The following PCBP3 variants were observed in gnomAD, a reference collection of about 807,000 sequenced individuals.
PCBP3 encodes poly(rC) binding protein 3.
PCBP3 carries 25 observed loss-of-function variants against 52.7 expected under a neutral mutation model. That is an observed-to-expected ratio of 0.47 (90% CI 0.35 to 0.66). The LOEUF is 0.66. Among genes scored for constraint, PCBP3 ranks in the 30% least tolerant of loss-of-function variants. The pLI is 0.01. For missense variants in PCBP3, 391 were observed against 490.3 expected, an observed-to-expected ratio of 0.80 and a Z score of 1.91; for synonymous variants, 162 against 183.0, an observed-to-expected ratio of 0.89 and a Z score of 0.93.
rs187619976 is a variant in PCBP3 at position 45,689,782 on chromosome 21, C to T, written c.-200+20830C>T. 2.1e-3 allele frequency among the ~76,000 whole-genome samples: 314 copies of T among 152,052 alleles called. 3 individuals carry two copies. The highest frequency in any genetic ancestry group is 3.1e-3 in the Non-Finnish European group (211 of 67,908). Reference sequence around the variant, plus strand: ...TAAACTGCCATTTATAATAGTACCCCAGAATATGAAACAGGATAAAGTTAA... The same window carrying T: ...TAAACTGCCATTTATAATAGTACCCTAGAATATGAAACAGGATAAAGTTAA... On this transcript the variant is annotated intron_variant, in intron 2 of 17. Coordinates refer to ENST00000681687, the MANE Select transcript of PCBP3 (RefSeq NM_001384156.1).
At chr21:45,899,330 C>A (rs2095957400) in intron 6 of PCBP3, among the ~76,000 whole-genome samples, 1 of 152,154 alleles carries the variant, frequency 6.6e-6, no homozygotes, top group African/African-American at 2.4e-5. Context: ...AGCTGCCCTC[C>A]CCCGGGGCAC....
rs2091517058 is a variant in PCBP3, at chr21:45,791,099, A to C, written c.-126+35647A>C. Among the ~76,000 whole-genome samples the C allele has an allele frequency of 6.6e-6, 1 of 152,154 alleles. No individual in the cohort carries two copies. The highest frequency in any genetic ancestry group is 2.1e-4 in the South Asian group (1 of 4,828). On this transcript the variant is annotated intron_variant, in intron 4 of 17. Transcript: ENST00000681687. This position sits in a 1 kb window ranked among gnomAD's most constrained non-coding sequence, Gnocchi z 4.2. ...TGGCCCACCGAGGCCAGCATCTTGC[A>C]GTGGCGAAGGTGCAGAGATGGTGGG...
At position 45,775,718 on chromosome 21, in the gene PCBP3, C is replaced by A. The variant is rs532590614; in HGVS notation, c.-126+20266C>A. On this transcript the variant is annotated intron_variant, in intron 4 of 17. Coordinates refer to ENST00000681687, the MANE Select transcript of PCBP3 (RefSeq NM_001384156.1). ...TATAGGCATGAACCACTGTGCCCAG[C>A]CTTCTTCTTTTCTTGGTTAGTCTAG... Among the ~76,000 whole-genome samples the A allele has an allele frequency of 3.7e-4, 56 of 152,296 alleles. No homozygotes were observed. The South Asian group carries it at 0.011, about 31-fold the overall frequency.
intron 5 of PCBP3, among the ~76,000 whole-genome samples, chr21:45,895,670 C>T (rs1488010053): frequency 6.6e-6 from 1 of 152,272 alleles, no homozygotes; most frequent in African/African-American, 2.4e-5. Context: ...CTGCCAAGGA[C>T]ACCAGCCGTT....
intron 2 of PCBP3, among the ~76,000 whole-genome samples, chr21:45,729,117 G>A (rs2085269247): frequency 6.6e-6 from 1 of 152,054 alleles, no homozygotes; most frequent in Non-Finnish European, 1.5e-5. Context: ...CCTGCTTTTT[G>A]TCTCTATGGA....
chr21:45,780,261 A>G (rs898855912), intron 4 of PCBP3, among the ~76,000 whole-genome samples: 1 of 152,248 alleles, frequency 6.6e-6, no homozygotes, highest in African/African-American at 2.4e-5. Flanking sequence ...ACACACATTT[A>G]TACACTGGGC....
chr21:45,831,447 A>G (rs2093447517), intron 4 of PCBP3, among the ~76,000 whole-genome samples: 1 of 151,830 alleles, frequency 6.6e-6, no homozygotes. Context: ...CTGATAAACA[A>G]CTTAGGGAAT....
chr21:45,792,354 G>A (rs915228748), intron 4 of PCBP3, among the ~76,000 whole-genome samples: 12 of 152,374 alleles, frequency 7.9e-5, no homozygotes, highest in African/African-American at 1.4e-4. Flanking sequence ...CGAGGCCAGC[G>A]TCTGGCAGTG....
At chr21:45,920,823 C>A (rs2074336759) in intron 13 of PCBP3, among the ~76,000 whole-genome samples, 1 of 152,232 alleles carries the variant, frequency 6.6e-6, no homozygotes, top group Non-Finnish European at 1.5e-5. Context: ...CCAGCCAGCA[C>A]TTTGATCTCC....
chr21:45,706,050 GT>G (rs1390633046), intron 2 of PCBP3, among the ~76,000 whole-genome samples: 1 of 152,206 alleles, frequency 6.6e-6, no homozygotes, highest in Non-Finnish European at 1.5e-5. Context: ...TTGTCAAAGA[GT>G]CTTTTCCACC....
intron 4 of PCBP3, among the ~76,000 whole-genome samples, chr21:45,778,056 T>C (rs2090379517): frequency 2.6e-5 from 4 of 151,946 alleles, no homozygotes; most frequent in Admixed American, 2.6e-4. Context: ...TGCTTCTTCC[T>C]ATTTTTGAAT....
rs543581566 is a variant in PCBP3, at chr21:45,933,401, C to T, written c.857-1852C>T. 3.9e-5 allele frequency among the ~76,000 whole-genome samples: 6 copies of T among 152,310 alleles called. No individual in the cohort carries two copies. In the East Asian group the frequency reaches 1.2e-3, roughly 29 times the overall value. On this transcript the variant is annotated intron_variant, in intron 15 of 17. Coordinates refer to ENST00000681687, the MANE Select transcript of PCBP3 (RefSeq NM_001384156.1). ...ATTATTTGCTTAACTTTAATGCCCT[C>T]CTAGGAAGATTTCCCATACTTTCCT...
At chr21:45,860,177 TC>T (rs67794705) in intron 5 of PCBP3, among the ~76,000 whole-genome samples, 117,336 of 152,074 alleles carry the variant, frequency 0.77, 45,754 homozygotes, top group East Asian at 1. Flanking sequence ...CCAGCCGACA[TC>T]CGGGCTGTGG....
At position 45,724,224 on chromosome 21, in the gene PCBP3, A is replaced by C. The variant is rs1396951687; in HGVS notation, c.-199-11168A>C. On this transcript the variant is annotated intron_variant, in intron 2 of 17. Transcript: ENST00000681687. This position sits in a 1 kb window ranked among gnomAD's most constrained non-coding sequence, Gnocchi z 5.3. ...GAGATCTGTTGAAGTCTGAGCTCCTATTAACACATTTATCGAAAATGGAAC... is the reference window on the plus strand; with the variant it reads ...GAGATCTGTTGAAGTCTGAGCTCCTCTTAACACATTTATCGAAAATGGAAC... Among the ~76,000 whole-genome samples the C allele has an allele frequency of 1.3e-5, 2 of 152,310 alleles. No homozygotes were observed. Among genetic ancestry groups the C allele is most frequent in the Admixed American group, 1.3e-4 (2 of 15,304 alleles).
intron 6 of PCBP3, among the ~76,000 whole-genome samples, chr21:45,898,438 A>G (rs62213761): frequency 0.33 from 39,310 of 119,888 alleles, 7,505 homozygotes; most frequent in East Asian, 0.68. Context: ...CCGTCCTCAC[A>G]GCCTCCCTCT....
intron 4 of PCBP3, among the ~76,000 whole-genome samples, chr21:45,801,922 A>G (rs1022722713): frequency 2.0e-5 from 3 of 152,166 alleles, no homozygotes; most frequent in African/African-American, 7.2e-5. Flanking sequence ...CAGGTTAATC[A>G]TGTTTGTGAT....
At chr21:45,786,876 C>T (rs1277001149) in intron 4 of PCBP3, among the ~76,000 whole-genome samples, 2 of 152,116 alleles carry the variant, frequency 1.3e-5, no homozygotes, top group Non-Finnish European at 2.9e-5. Flanking sequence ...TCACCCACAC[C>T]CTCTGAAGAA....
At chr21:45,649,585 T>A (rs1485288205) in intron 1 of PCBP3, among the ~76,000 whole-genome samples, 1 of 152,204 alleles carries the variant, frequency 6.6e-6, no homozygotes, top group Non-Finnish European at 1.5e-5. Flanking sequence ...ATTTCACAAA[T>A]GCATGGATCA....
At chr21:45,742,563 G>A (rs758950070) in intron 3 of PCBP3, among the ~76,000 whole-genome samples, 16 of 152,200 alleles carry the variant, frequency 1.1e-4, no homozygotes, top group East Asian at 1.9e-4. Flanking sequence ...AGTATTTTCC[G>A]TTGTGATGTC....
Sources: allele counts gnomAD v4.1 joint callset (sites outside exome capture counted in the v4.1 genomes callset), GRCh38; gene constraint gnomAD v4.1.1; non-coding constraint Gnocchi (gnomAD v3.1); transcripts MANE v1.5; gene names NCBI Gene and HGNC (gene_info 2026-07-23, HGNC 2026-07-21).